The following GALNT2 variants were observed in gnomAD, a reference collection of about 807,000 sequenced individuals.
GALNT2 encodes the protein UDP-GalNAc:polypeptide N-acetylgalactosaminyltransferase 2.
In GALNT2, 31 loss-of-function variants were observed where a neutral mutation model predicts 81.4. That is an observed-to-expected ratio of 0.38 (90% CI 0.29 to 0.51). GALNT2 has a LOEUF of 0.51. Among genes scored for constraint, GALNT2 ranks in the 20% least tolerant of loss-of-function variants. The pLI, the probability that GALNT2 is intolerant of heterozygous loss-of-function variation, is 0.87. For synonymous variants in GALNT2, 303 were observed against 287.4 expected (o/e 1.05, Z -0.55); for missense variants, 629 against 765.7 (o/e 0.82, Z 2.11).
At chr1:230,273,483 G>A (rs961308455) in intron 14 of GALNT2, among the ~76,000 whole-genome samples, 4 of 152,188 alleles carry the variant, frequency 2.6e-5, no homozygotes, top group Non-Finnish European at 5.9e-5. Context: ...GCTGCCCCTC[G>A]ATATTAAGGG....
chr1:230,127,677 GTTT>G (rs35125935), intron 1 of GALNT2, among the ~76,000 whole-genome samples: 1 of 148,028 alleles, frequency 6.8e-6, no homozygotes, highest in African/African-American at 2.5e-5. Context: ...CCGGCCGAGG[GTTT>G]TTTTTTTTAA....
chr1:230,105,195 A>G (rs1350561693), intron 1 of GALNT2, among the ~76,000 whole-genome samples: 4 of 152,310 alleles, frequency 2.6e-5, no homozygotes, highest in East Asian at 3.9e-4. Flanking sequence ...ACCTCCTTTC[A>G]GAGCAACTGA....
rs921844028 is a variant in GALNT2 at position 230,185,280 on chromosome 1, G to A, written c.220+6969G>A. On this transcript the variant is annotated intron_variant, in intron 2 of 15. Transcript: ENST00000366672. ...TTAAACTGTGCGTGCGTGCGTGTGT[G>A]TGTGTGTGTGTGTGTGTGTGTGCGC... is the stretch of plus-strand genomic sequence containing the variant. Among the ~76,000 whole-genome samples the A allele has an allele frequency of 5.0e-4, 62 of 123,298 alleles. 1 individual carries two copies. The highest frequency in any genetic ancestry group is 2.0e-3 in the African/African-American group (59 of 29,198). The allele number at this position is 123,298 out of a possible 152,430, so 80.9% of individuals were successfully genotyped here. A position where few individuals can be genotyped will look rare whatever the true frequency, so the allele number is the denominator to read the frequency against.
intron 1 of GALNT2, among the ~76,000 whole-genome samples, chr1:230,101,999 G>T (rs1258560352): frequency 2.0e-5 from 3 of 152,204 alleles, no homozygotes; most frequent in Non-Finnish European, 4.4e-5. Flanking sequence ...TTTGTTTTCC[G>T]AATGGTTTTA....
intron 3 of GALNT2, among the ~76,000 whole-genome samples, chr1:230,210,459 A>C (rs946691463): frequency 3.3e-5 from 5 of 152,206 alleles, no homozygotes; most frequent in Non-Finnish European, 7.3e-5. Context: ...CCTTGCCACC[A>C]CTACATTTAA....
At chr1:230,125,742 T>C (rs1382145939) in intron 1 of GALNT2, among the ~76,000 whole-genome samples, 1 of 152,168 alleles carries the variant, frequency 6.6e-6, no homozygotes, top group Non-Finnish European at 1.5e-5. Context: ...GATGAGAAAT[T>C]GTGAGCACTT....
chr1:230,073,838 C>A (rs943796800), intron 1 of GALNT2, among the ~76,000 whole-genome samples: 3 of 152,162 alleles, frequency 2.0e-5, no homozygotes, highest in South Asian at 2.1e-4. Context: ...TCCCTTCTGC[C>A]GCAGCCTTCC....
At chr1:230,259,982 A>G (rs372079166) in intron 11 of GALNT2, among the ~76,000 whole-genome samples, 1 of 152,212 alleles carries the variant, frequency 6.6e-6, no homozygotes, top group East Asian at 1.9e-4. Context: ...AGTTCTGCCT[A>G]TGCCCAGGAG....
chr1:230,094,649 A>G (rs2102770559), intron 1 of GALNT2, among the ~76,000 whole-genome samples: 1 of 152,338 alleles, frequency 6.6e-6, no homozygotes, highest in Non-Finnish European at 1.5e-5. Flanking sequence ...AAACAAAAAC[A>G]AAAACACCAT....
At chr1:230,086,589 C>G (rs1049022908) in intron 1 of GALNT2, among the ~76,000 whole-genome samples, 1 of 151,952 alleles carries the variant, frequency 6.6e-6, no homozygotes, top group African/African-American at 2.4e-5. Context: ...TTTTTTTCCC[C>G]CGTGTGTTAA....
chr1:230,266,337 A>T (rs1666037573), intron 14 of GALNT2, among the ~76,000 whole-genome samples: 1 of 152,182 alleles, frequency 6.6e-6, no homozygotes, highest in African/African-American at 2.4e-5. Context: ...TAATAATAGG[A>T]ATTGGGTGAA....
In GALNT2 at chr1:230,193,012, A is replaced by G. The variant is rs1251088702; in HGVS notation, c.221-10125A>G. On this transcript the variant is annotated intron_variant, in intron 2 of 15. Transcript: ENST00000366672. The surrounding 1 kb of genome is among the most constrained non-coding windows in gnomAD (Gnocchi z 4.3). ...AGCATTATGACCTTCTAGAGGAAGA[A>G]TATTAGGATTTTTTTTCTTTTAAGC... 1.3e-5 allele frequency among the ~76,000 whole-genome samples: 2 copies of G among 152,230 alleles called. No individual in the cohort carries two copies. The highest frequency in any genetic ancestry group is 6.5e-5 in the Admixed American group (1 of 15,284).
chr1:230,107,210 G>C (rs920272328), intron 1 of GALNT2, among the ~76,000 whole-genome samples: 6 of 152,334 alleles, frequency 3.9e-5, no homozygotes, highest in Middle Eastern at 6.8e-3. Flanking sequence ...GAATCCAGAT[G>C]GTGACTTCCT....
Position 230,114,937 on chromosome 1 carries a change from T to A in GALNT2, c.126+47531T>A, listed in dbSNP as rs148421157. 1.4e-3 allele frequency among the ~76,000 whole-genome samples: 216 copies of A among 151,952 alleles called. 1 individual carries two copies. Among genetic ancestry groups the A allele is most frequent in the African/African-American group, 4.9e-3 (203 of 41,432 alleles). The stretch of plus-strand genomic sequence containing the variant: ...CCTATTAGTTTCCCTTCGCAAGAGT[T>A]ATAGTCCACAAACCTACACTGACAC... On this transcript the variant is annotated intron_variant, in intron 1 of 15. Coordinates refer to ENST00000366672, the MANE Select transcript of GALNT2 (RefSeq NM_004481.5).
At chr1:230,221,402 A>G (rs999685666) in intron 3 of GALNT2, among the ~76,000 whole-genome samples, 3 of 152,150 alleles carry the variant, frequency 2.0e-5, no homozygotes, top group African/African-American at 7.2e-5. Context: ...ACAGTGTGTT[A>G]TTTGGTTCTG....
In GALNT2 at chr1:230,279,386, G is replaced by T; in HGVS notation, c.1644G>T (p.Gly548=). Residue 548 remains glycine (G), a synonymous_variant, in exon 16 of 16, where the codon GGG becomes GGT. Coordinates refer to ENST00000366672, the MANE Select transcript of GALNT2 (RefSeq NM_004481.5). This position sits in a 1 kb window ranked among gnomAD's most constrained non-coding sequence, Gnocchi z 4.6. ...TGGACAGTCGCACGGCCAAGAGCGG[G>T]GGCCTAAGCGTGGAGGTGTGTGGCC... is the stretch of plus-strand genomic sequence containing the variant. ...LCLDSRTAKS[G]GLSVEVCGPA... 6.2e-7 allele frequency: 1 copy of T among 1,614,158 alleles called. No individual in the cohort carries two copies. Among genetic ancestry groups the T allele is most frequent in the Non-Finnish European group, 8.5e-7 (1 of 1,180,028 alleles).
At chr1:230,172,311 C>T (rs938594320) in intron 1 of GALNT2, among the ~76,000 whole-genome samples, 1 of 152,160 alleles carries the variant, frequency 6.6e-6, no homozygotes, top group Non-Finnish European at 1.5e-5. Context: ...GGAACTGGGG[C>T]CTCCTGGCCA....
intron 10 of GALNT2, among the ~76,000 whole-genome samples, chr1:230,253,583 A>G (rs1246707890): frequency 6.6e-6 from 1 of 152,212 alleles, no homozygotes; most frequent in Non-Finnish European, 1.5e-5. Flanking sequence ...GTGCATATTC[A>G]TGGGATACAT....
chr1:230,061,596 C>G (rs948369870), intron 1 of GALNT2, among the ~76,000 whole-genome samples: 5 of 151,948 alleles, frequency 3.3e-5, no homozygotes, highest in Admixed American at 2.0e-4. Context: ...CTCCCCTCAG[C>G]TTTCTTGATT....
Sources: allele counts gnomAD v4.1 joint callset (sites outside exome capture counted in the v4.1 genomes callset), GRCh38; gene constraint gnomAD v4.1.1; non-coding constraint Gnocchi (gnomAD v3.1); transcripts MANE v1.5; gene names NCBI Gene and HGNC (gene_info 2026-07-23, HGNC 2026-07-21).